Variants in ATP11B observed in about 807,000 individuals in gnomAD.
The protein encoded by ATP11B is phospholipid-transporting ATPase IF.
ATP11B carries 81 observed loss-of-function variants against 157.8 expected under a neutral mutation model. That is an observed-to-expected ratio of 0.51 (90% CI 0.43 to 0.62). The LOEUF (loss-of-function observed/expected upper bound fraction) is 0.62, where lower values mean the gene tolerates loss of function less well. Among genes scored for constraint, ATP11B ranks in the 20% least tolerant of loss-of-function variants. The pLI is 0.00. For synonymous variants in ATP11B, 451 were observed against 469.4 expected (o/e 0.96, Z 0.51); for missense variants, 1,165 against 1,402.2 (o/e 0.83, Z 2.70).
At chr3:182,797,471 G>A (rs1413386544) in intron 1 of ATP11B, among the ~76,000 whole-genome samples, 1 of 152,162 alleles carries the variant, frequency 6.6e-6, no homozygotes. Flanking sequence ...ACTTTGGGAG[G>A]CCGAGACAGG....
At chr3:182,907,589 A>G (rs891834517) in intron 28 of ATP11B, among the ~76,000 whole-genome samples, 4 of 152,188 alleles carry the variant, frequency 2.6e-5, no homozygotes, top group African/African-American at 9.7e-5. Flanking sequence ...TTTACAGTAT[A>G]TTTCTGTTGC....
At chr3:182,915,787 T>A (rs192448948) in intron 29 of ATP11B, 1 of 984,278 alleles carries the variant, frequency 1.0e-6, no homozygotes, top group East Asian at 1.1e-4. Context: ...TTGAATTTAC[T>A]TTTACATGTT....
chr3:182,845,866 A>G (rs1448027101), intron 9 of ATP11B, among the ~76,000 whole-genome samples: 2 of 152,238 alleles, frequency 1.3e-5, no homozygotes, highest in Non-Finnish European at 2.9e-5. Flanking sequence ...TAATTTCATT[A>G]TGATTATTAG....
intron 19 of ATP11B, among the ~76,000 whole-genome samples, chr3:182,875,077 A>G (rs745516971): frequency 2.0e-5 from 3 of 152,124 alleles, no homozygotes; most frequent in Non-Finnish European, 2.9e-5. Context: ...TTGTAAATCT[A>G]TCTTTTATAG....
Position 182,835,690 on chromosome 3 carries a change from A to G in ATP11B, c.316-345A>G, listed in dbSNP as rs550007861. ...AGATACACATTTTGGAATTACCAGC[A>G]TATTTATACTATTTGAAGACACAGG... On this transcript the variant is annotated intron_variant, in intron 4 of 29. Coordinates refer to ENST00000323116, the MANE Select transcript of ATP11B (RefSeq NM_014616.3). Among the ~76,000 whole-genome samples, 22 of 149,270 alleles carry G rather than the reference A, an allele frequency of 1.5e-4. No individual in the cohort carries two copies. In the South Asian group the frequency reaches 3.8e-3, roughly 26 times the overall value.
rs752479669 is a variant in ATP11B at position 182,873,837 on chromosome 3, A to C, written c.2074A>C (p.Ile692Leu). 6.2e-7 allele frequency: 1 copy of C among 1,614,150 alleles called. No homozygotes were observed. Among genetic ancestry groups the C allele is most frequent in the East Asian group, 2.2e-5 (1 of 44,870 alleles). The change falls in exon 19 of 30, where the codon ATT becomes CTT. Residue 692 changes from isoleucine (I) to leucine (L), a missense_variant. Physicochemically the swap from Ile to Leu is conservative, Grantham distance 5. Around this residue, in one of 4 missense-constraint regions of ATP11B, gnomAD observed 737 missense variants for 930.5 expected, o/e 0.79. Transcript: ENST00000323116. ...ACTACAAGATAAAGTTCGAGAAACT[A>C]TTGAAGCATTGAGAATGGCTGGTAT... Reference protein sequence around the residue: ...DRLQDKVRETIEALRMAGIKV... With the variant: ...DRLQDKVRETLEALRMAGIKV...
chr3:182,833,931 A>G (rs1005451165), intron 4 of ATP11B: 1 of 152,220 alleles, frequency 6.6e-6, no homozygotes, highest in African/African-American at 2.4e-5. Context: ...TAATAGAAGT[A>G]TAGGTTGGTT....
intron 13 of ATP11B, 113 bp downstream of exon 13, chr3:182,865,811 G>A: frequency 2.6e-6 from 2 of 764,162 alleles, no homozygotes; most frequent in South Asian, 4.1e-5. Context: ...ATATACATTT[G>A]AAATTCATAT....
At chr3:182,840,092 A>G (rs1214080893) in intron 7 of ATP11B, among the ~76,000 whole-genome samples, 1 of 152,158 alleles carries the variant, frequency 6.6e-6, no homozygotes, top group Non-Finnish European at 1.5e-5. Context: ...CAACCTTTCC[A>G]TACTTGACTC....
chr3:182,897,551 G>T, intron 27 of ATP11B, 145 bp downstream of exon 27: 1 of 514,630 alleles, frequency 1.9e-6, no homozygotes, highest in South Asian at 4.0e-5. Flanking sequence ...TACTGATATG[G>T]AGAGGAAAAA....
chr3:182,793,767 G>C lies in ATP11B; in HGVS notation c.8G>C (p.Arg3Pro). 7.1e-7 allele frequency: 1 copy of C among 1,406,542 alleles called. No individual in the cohort carries two copies. The highest frequency in any genetic ancestry group is 9.3e-7 in the Non-Finnish European group (1 of 1,074,564). 87.1% of individuals were successfully genotyped at this position (1,406,542 alleles called of 1,614,324 possible). The change falls in exon 1 of 30, where the codon CGC becomes CCC. Residue 3 changes from arginine (R) to proline (P), a missense_variant. Physicochemically the swap from Arg to Pro is moderately radical, Grantham distance 103. Transcript: ENST00000323116. MW[R>P]WIRQQLGFDP... Reference sequence around the variant, plus strand: ...GACGGCGACGACGGGGGAATGTGGCGCTGGATCCGGCAGCAGCTGGTAGGT... The same window carrying C: ...GACGGCGACGACGGGGGAATGTGGCCCTGGATCCGGCAGCAGCTGGTAGGT...
chr3:182,824,422 A>C (rs1717583098), intron 2 of ATP11B, among the ~76,000 whole-genome samples: 2 of 152,150 alleles, frequency 1.3e-5, no homozygotes, highest in Admixed American at 6.5e-5. Context: ...AAAAATTCAC[A>C]ATTTATACTT....
In ATP11B at chr3:182,829,931, T is replaced by G. The variant is rs1718001279; in HGVS notation, c.315+179T>G. 7.1e-6 allele frequency: 7 copies of G among 985,158 alleles called. No individual in the cohort carries two copies. The South Asian group carries it at 2.8e-4, about 40-fold the overall frequency. The allele number at this position is 985,158 out of a possible 1,614,324, so 61.0% of individuals were successfully genotyped here. On this transcript the variant is annotated intron_variant, in intron 4 of 29. Coordinates refer to ENST00000323116, the MANE Select transcript of ATP11B (RefSeq NM_014616.3). The stretch of plus-strand genomic sequence containing the variant: ...ACTCTGTTATATTTCAGGTACCTGG[T>G]GACTCATGGAATGATTAACATCGTT...
chr3:182,884,632 T>C, intron 21 of ATP11B, 121 bp from the exon 22 acceptor site: 1 of 913,674 alleles, frequency 1.1e-6, no homozygotes. Flanking sequence ...CTATCTGCTG[T>C]ATATTAGGAT....
intron 28 of ATP11B, among the ~76,000 whole-genome samples, chr3:182,905,384 A>G (rs940432686): frequency 6.6e-6 from 1 of 152,240 alleles, no homozygotes; most frequent in African/African-American, 2.4e-5. Flanking sequence ...CACATGCTCA[A>G]CATTTCTAAG....
Position 182,918,125 on chromosome 3 carries a change from G to A in ATP11B, c.*21G>A, listed in dbSNP as rs774270410. 4 of 1,611,168 alleles carry A rather than the reference G, an allele frequency of 2.5e-6. No homozygotes were observed. The Admixed American group carries it at 6.7e-5, about 27-fold the overall frequency. The stretch of plus-strand genomic sequence containing the variant: ...GTTAAAGGGGCAGTAGTACTTTGTG[G>A]GAGCCAGTTCACCTCCTTTCCTAAA... On this transcript the variant is annotated 3_prime_UTR_variant, in exon 30 of 30. Coordinates refer to ENST00000323116, the MANE Select transcript of ATP11B (RefSeq NM_014616.3).
At chr3:182,883,543 C>T (rs1560111386) in intron 21 of ATP11B, among the ~76,000 whole-genome samples, 3 of 151,782 alleles carry the variant, frequency 2.0e-5, no homozygotes, top group African/African-American at 7.3e-5. Flanking sequence ...CAGGCGTGAG[C>T]CACCACACCC....
In ATP11B at chr3:182,799,871, T is replaced by C. The variant is rs560526039; in HGVS notation, c.27+6085T>C. Among the ~76,000 whole-genome samples the C allele has an allele frequency of 1.7e-3, 260 of 152,248 alleles. 2 individuals are homozygous for C. Among genetic ancestry groups the C allele is most frequent in the Non-Finnish European group, 9.1e-4 (62 of 68,010 alleles). On this transcript the variant is annotated intron_variant, in intron 1 of 29. Transcript: ENST00000323116. Reference sequence around the variant, plus strand: ...GCTCAAACCTGTAACCTCGGCACTTTGGGAGACACACAGGAGGATTGCTTT... The same window carrying C: ...GCTCAAACCTGTAACCTCGGCACTTCGGGAGACACACAGGAGGATTGCTTT...
Position 182,921,088 on chromosome 3 carries a change from T to G in ATP11B, c.*2984T>G, listed in dbSNP as rs1725454845. On this transcript the variant is annotated 3_prime_UTR_variant, in exon 30 of 30. Coordinates refer to ENST00000323116, the MANE Select transcript of ATP11B (RefSeq NM_014616.3). ...GTCAAGGCCACTAGAAAATTGACAGTTAAGAGCCAAAAGTTTTTAAAATAT... is the reference window on the plus strand; with the variant it reads ...GTCAAGGCCACTAGAAAATTGACAGGTAAGAGCCAAAAGTTTTTAAAATAT... The G allele has an allele frequency of 6.6e-6, 1 of 152,156 alleles. No homozygotes were observed. Among genetic ancestry groups the G allele is most frequent in the African/African-American group, 2.4e-5 (1 of 41,426 alleles). 9.4% of individuals were successfully genotyped at this position (152,156 alleles called of 1,614,324 possible).
Sources: allele counts gnomAD v4.1 joint callset (sites outside exome capture counted in the v4.1 genomes callset), GRCh38; gene constraint gnomAD v4.1.1; regional missense constraint gnomAD v4.1.1; transcripts MANE v1.5; gene names NCBI Gene and HGNC (gene_info 2026-07-23, HGNC 2026-07-21).